Variants in DYNC1I1 observed in about 807,000 individuals in gnomAD.
DYNC1I1 encodes the protein dynein cytoplasmic 1 intermediate chain 1, also known as cytoplasmic dynein 1 intermediate chain 1.
Under a neutral mutation model 86.6 loss-of-function variants are expected in DYNC1I1, and 43 were observed. The ratio of observed to expected loss-of-function variants is 0.50; its 90% confidence interval spans 0.39 to 0.64. DYNC1I1 has a LOEUF of 0.64. Among genes scored for constraint, DYNC1I1 ranks in the 30% least tolerant of loss-of-function variants. The probability of loss-of-function intolerance (pLI) is 0.00; values close to 1 mark genes in which losing one functional copy is unlikely to be tolerated. For missense variants in DYNC1I1, 604 were observed against 788.8 expected (o/e 0.77, Z 2.81); for synonymous variants, 262 against 283.7 (o/e 0.92, Z 0.77).
At chr7:95,858,978 G>T (rs1789802589) in intron 5 of DYNC1I1, among the ~76,000 whole-genome samples, 2 of 142,806 alleles carry the variant, frequency 1.4e-5, no homozygotes, top group South Asian at 2.2e-4. Context: ...AAATGTATAA[G>T]ATATTAATGT....
chr7:95,830,118 G>A (rs919097118), intron 5 of DYNC1I1, among the ~76,000 whole-genome samples: 27 of 151,914 alleles, frequency 1.8e-4, no homozygotes, highest in Non-Finnish European at 2.4e-4. Context: ...GATTTTTCTA[G>A]AGAGTTTTAT....
In DYNC1I1 at chr7:96,017,612, A is replaced by G. The variant is rs143512668; in HGVS notation, c.970-10563A>G. 7.7e-4 allele frequency among the ~76,000 whole-genome samples: 118 copies of G among 152,302 alleles called. 2 individuals are homozygous for G. The East Asian group carries it at 0.019, about 25-fold the overall frequency. On this transcript the variant is annotated intron_variant, in intron 10 of 16. Transcript: ENST00000447467. ...CAACTGTGAAAAAAGTATGCATATT[A>G]TTTCATATCATGTGAGTTCAGAAGA...
chr7:95,922,734 C>T (rs2116382516), intron 6 of DYNC1I1, among the ~76,000 whole-genome samples: 1 of 152,142 alleles, frequency 6.6e-6, no homozygotes, highest in East Asian at 1.9e-4. Flanking sequence ...AGCAGCAGCC[C>T]CCGGTCAAAC....
intron 4 of DYNC1I1, chr7:95,818,361 G>A: frequency 6.8e-6 from 3 of 439,334 alleles, no homozygotes; most frequent in South Asian, 6.7e-5. Context: ...AGCAGTGGTG[G>A]CACAATCTTA....
intron 14 of DYNC1I1, among the ~76,000 whole-genome samples, chr7:96,048,895 G>A (rs548072873): frequency 1.3e-5 from 2 of 152,156 alleles, no homozygotes; most frequent in Non-Finnish European, 2.9e-5. Context: ...GACAATATGG[G>A]CTAATGGCTT....
Position 96,005,483 on chromosome 7 carries a change from A to G in DYNC1I1, c.969+9410A>G, listed in dbSNP as rs371285206. On this transcript the variant is annotated intron_variant, in intron 10 of 16. Transcript: ENST00000447467. ...GATGTTGCATATTGCGTTATCTGAC[A>G]CGAGACGTATAGTAGTTCCCCCAGG... is the stretch of plus-strand genomic sequence containing the variant. Among the ~76,000 whole-genome samples the G allele has an allele frequency of 7.2e-5, 11 of 152,246 alleles. No individual in the cohort carries two copies. The East Asian group carries it at 1.9e-3, about 27-fold the overall frequency.
In DYNC1I1 at chr7:96,035,712, A is replaced by T; in HGVS notation, c.1324A>T (p.Ser442Cys). Residue 442 changes from serine to cysteine, a missense_variant, in exon 13 of 17, where the codon AGT (serine) becomes TGT (cysteine). Physicochemically the swap from Ser to Cys is moderately radical, Grantham distance 112. Coordinates refer to ENST00000447467, the MANE Select transcript of DYNC1I1 (RefSeq NM_001135556.2). ...TGDVNNFVVG[S>C]EEGTVYTACR... ...AGACGTCAATAACTTCGTGGTTGGC[A>T]GTGAGGAAGGTACAGTCTACACGGC... is the stretch of plus-strand genomic sequence containing the variant. 1.2e-6 allele frequency: 2 copies of T among 1,611,956 alleles called. No homozygotes were observed. The highest frequency in any genetic ancestry group is 1.7e-6 in the Non-Finnish European group (2 of 1,179,080).
intron 4 of DYNC1I1, among the ~76,000 whole-genome samples, chr7:95,826,140 A>G (rs1795198039): frequency 6.6e-6 from 1 of 152,218 alleles, no homozygotes; most frequent in Non-Finnish European, 1.5e-5. Context: ...ACTGCATTTT[A>G]GCAATATTCC....
chr7:95,943,554 C>G (rs1177938698), intron 6 of DYNC1I1, among the ~76,000 whole-genome samples: 1 of 78,898 alleles, frequency 1.3e-5, no homozygotes, highest in Non-Finnish European at 3.0e-5. Context: ...AAAAAAGAGC[C>G]CGCATTGCCA....
At chr7:96,047,911 A>T (rs1789265892) in intron 14 of DYNC1I1, among the ~76,000 whole-genome samples, 2 of 152,208 alleles carry the variant, frequency 1.3e-5, no homozygotes, top group South Asian at 4.1e-4. Context: ...CCAGAGGAAG[A>T]TTATTTCAAG....
At chr7:96,064,239 T>C (rs910801040) in intron 14 of DYNC1I1, among the ~76,000 whole-genome samples, 2 of 133,690 alleles carry the variant, frequency 1.5e-5, no homozygotes, top group Non-Finnish European at 1.6e-5. Flanking sequence ...TCTCTCTCTC[T>C]CTCTCTCTCC....
In DYNC1I1 at chr7:96,028,223, G is replaced by A; in HGVS notation, c.1018G>A (p.Val340Ile). 1.2e-6 allele frequency: 2 copies of A among 1,613,888 alleles called. No homozygotes were observed. The highest frequency in any genetic ancestry group is 8.5e-7 in the Non-Finnish European group (1 of 1,179,876). ...CFARFHPNLVVGGTYSGQIVL... is the reference protein window; with the variant it reads ...CFARFHPNLVIGGTYSGQIVL... ...CGCCCGTTTCCATCCTAACTTGGTG[G>A]TTGGTGGGACTTACTCGGGCCAGAT... The change falls in exon 11 of 17, where the codon GTT becomes ATT. Residue 340 changes from valine to isoleucine, a missense_variant. Val to Ile is a conservative substitution (Grantham distance 29). Transcript: ENST00000447467.
At chr7:96,076,285 G>T in intron 15 of DYNC1I1, 88 bp downstream of exon 15, 1 of 1,532,408 alleles carries the variant, frequency 6.5e-7, no homozygotes, top group Non-Finnish European at 8.8e-7. Context: ...CTCCAAAACG[G>T]CCTTTTTTGG....
At chr7:95,994,387 CA>C (rs1396276021) in intron 9 of DYNC1I1, among the ~76,000 whole-genome samples, 1 of 152,090 alleles carries the variant, frequency 6.6e-6, no homozygotes, top group East Asian at 1.9e-4. Context: ...ACACATGATA[CA>C]AAGGGAGCTG....
chr7:96,050,097 C>A (rs557368607), intron 14 of DYNC1I1, among the ~76,000 whole-genome samples: 1 of 151,086 alleles, frequency 6.6e-6, no homozygotes, highest in African/African-American at 2.4e-5. Flanking sequence ...GCAAACAATT[C>A]GACAACAAGA....
chr7:95,858,533 C>G (rs943078957), intron 5 of DYNC1I1, among the ~76,000 whole-genome samples: 21 of 152,042 alleles, frequency 1.4e-4, no homozygotes, highest in African/African-American at 5.1e-4. Context: ...ATATAATGTA[C>G]ATAATTATAT....
chr7:95,962,144 A>G (rs1337746285), intron 6 of DYNC1I1, among the ~76,000 whole-genome samples: 1 of 152,154 alleles, frequency 6.6e-6, no homozygotes, highest in Non-Finnish European at 1.5e-5. Context: ...TCTAACCTAA[A>G]GGATGTAGCT....
chr7:96,067,476 G>C (rs1052080234), intron 14 of DYNC1I1, among the ~76,000 whole-genome samples: 4 of 137,676 alleles, frequency 2.9e-5, no homozygotes, highest in African/African-American at 8.3e-5. Flanking sequence ...TCTTCTTAAA[G>C]CTCACCCAGG....
chr7:95,998,113 G>C (rs1397199501), intron 10 of DYNC1I1, among the ~76,000 whole-genome samples: 1 of 152,148 alleles, frequency 6.6e-6, no homozygotes, highest in African/African-American at 2.4e-5. Flanking sequence ...CAACACTTCT[G>C]CCTTCATGAT....
Sources: gnomAD v4.1 joint callset for allele counts (sites outside exome capture counted in the v4.1 genomes callset) on GRCh38, gnomAD v4.1.1 for gene constraint, MANE v1.5 for transcripts, NCBI Gene and HGNC (gene_info 2026-07-23, HGNC 2026-07-21) for gene names.